Variants in BTBD9 observed in about 807,000 individuals in gnomAD.
The protein encoded by BTBD9 is BTB/POZ domain-containing protein 9.
Under a neutral mutation model 64.3 loss-of-function variants are expected in BTBD9, and 49 were observed. That is an observed-to-expected ratio of 0.76 (90% CI 0.61 to 0.97). BTBD9 has a LOEUF of 0.97. Ranked by LOEUF, BTBD9 falls within the 50% of genes least tolerant of loss-of-function variation. BTBD9 has a pLI of 0.00. For missense variants in BTBD9, 598 were observed against 762.1 expected (o/e 0.78, Z 2.53); for synonymous variants, 260 against 274.7 (o/e 0.95, Z 0.53).
chr6:38,554,264 C>T (rs919859947), intron 6 of BTBD9, among the ~76,000 whole-genome samples: 12 of 152,300 alleles, frequency 7.9e-5, no homozygotes, highest in African/African-American at 2.9e-4. Flanking sequence ...CACACAGATG[C>T]TATAGACAGC....
intron 10 of BTBD9, among the ~76,000 whole-genome samples, chr6:38,177,259 ACTC>A (rs1239305373): frequency 6.6e-6 from 1 of 151,198 alleles, no homozygotes; most frequent in Non-Finnish European, 1.5e-5. Flanking sequence ...TCTCAAGCTC[ACTC>A]CTCTGGTATT....
chr6:38,344,913 T>G (rs1324660492), intron 7 of BTBD9, 71 bp downstream of exon 7: 1 of 1,024,884 alleles, frequency 9.8e-7, no homozygotes, highest in Non-Finnish European at 1.5e-6. Flanking sequence ...TAAGATAAGT[T>G]AAGAGAGTAA....
chr6:38,208,145 GAAAT>G (rs767958207), intron 9 of BTBD9, among the ~76,000 whole-genome samples: 54 of 152,162 alleles, frequency 3.5e-4, no homozygotes, highest in Non-Finnish European at 6.9e-4. Flanking sequence ...GAAAAGGGAA[GAAAT>G]AATAAAAGCT....
intron 6 of BTBD9, among the ~76,000 whole-genome samples, chr6:38,542,642 T>C (rs1214416830): frequency 6.6e-6 from 1 of 152,180 alleles, no homozygotes; most frequent in Non-Finnish European, 1.5e-5. Flanking sequence ...ATTTATAAAT[T>C]TAAGACTTTA....
chr6:38,550,195 G>A (rs986108958), intron 6 of BTBD9, among the ~76,000 whole-genome samples: 1 of 152,030 alleles, frequency 6.6e-6, no homozygotes, highest in African/African-American at 2.4e-5. Context: ...TTCAAACTGA[G>A]GTATTCCAAA....
At chr6:38,287,209 T>C (rs1025696938) in intron 8 of BTBD9, among the ~76,000 whole-genome samples, 2 of 149,288 alleles carry the variant, frequency 1.3e-5, no homozygotes, top group African/African-American at 5.0e-5. Flanking sequence ...GCCTTCACAT[T>C]CACCCATCAC....
At chr6:38,246,478 A>G (rs541430581) in intron 9 of BTBD9, among the ~76,000 whole-genome samples, 53 of 142,196 alleles carry the variant, frequency 3.7e-4, no homozygotes, top group African/African-American at 1.2e-3. Flanking sequence ...GTGTGTGTGT[A>G]TTGTCTAAAA....
At chr6:38,335,959 T>C (rs1264181418) in intron 7 of BTBD9, among the ~76,000 whole-genome samples, 1 of 152,126 alleles carries the variant, frequency 6.6e-6, no homozygotes, top group Non-Finnish European at 1.5e-5. Context: ...GGTCTCAAAC[T>C]ACTGACCTCA....
chr6:38,328,968 A>ATGTGTGTGTGTGTG (rs70981541), intron 7 of BTBD9, among the ~76,000 whole-genome samples: 3 of 127,318 alleles, frequency 2.4e-5, no homozygotes, highest in South Asian at 2.7e-4. Flanking sequence ...GAAAGAAAAT[A>ATGTGTGTGTGTGTG]TGTGTGTGTG....
rs540291650 is a variant in BTBD9 at position 38,457,601 on chromosome 6, A to G, written c.1155-112508T>C. ...AACTGATTGGAGGAGTGAAAAATCA[A>G]GACTTCCATTTGGGAAGCTTGAGAT... On this transcript the variant is annotated intron_variant, in intron 6 of 10. Transcript: ENST00000481247. Among the ~76,000 whole-genome samples, 4 of 152,302 alleles carry G rather than the reference A, an allele frequency of 2.6e-5. No individual in the cohort carries two copies. The East Asian group carries it at 7.7e-4, about 29-fold the overall frequency.
chr6:38,512,795 T>C lies in BTBD9; in HGVS notation c.1154+64805A>G, dbSNP rs1772832077. On this transcript the variant is annotated intron_variant, in intron 6 of 10. Transcript: ENST00000481247. ...TATTACAAACCATTCTTTATATAAATACGTTTAGCTATTATATTGATAGAA... is the reference window on the plus strand; with the variant it reads ...TATTACAAACCATTCTTTATATAAACACGTTTAGCTATTATATTGATAGAA... Among the ~76,000 whole-genome samples the C allele has an allele frequency of 2.6e-5, 4 of 152,216 alleles. No individual in the cohort carries two copies. In the South Asian group the frequency reaches 8.3e-4, roughly 31 times the overall value.
intron 7 of BTBD9, among the ~76,000 whole-genome samples, chr6:38,330,010 T>G (rs535961662): frequency 2.0e-5 from 3 of 152,186 alleles, no homozygotes; most frequent in East Asian, 3.9e-4. Flanking sequence ...CAGTCTCATA[T>G]GCTGCCAAGA....
At chr6:38,188,586 G>A (rs1187833692) in intron 10 of BTBD9, among the ~76,000 whole-genome samples, 2 of 152,224 alleles carry the variant, frequency 1.3e-5, no homozygotes, top group East Asian at 3.8e-4. Flanking sequence ...AAGTCTCTGG[G>A]TTCACAAACA....
intron 9 of BTBD9, among the ~76,000 whole-genome samples, chr6:38,233,571 AC>A (rs1165206174): frequency 6.6e-6 from 1 of 152,256 alleles, no homozygotes; most frequent in Non-Finnish European, 1.5e-5. Flanking sequence ...AAGTTTCAAC[AC>A]AGCCACTGCA....
intron 10 of BTBD9, among the ~76,000 whole-genome samples, chr6:38,189,512 C>T (rs1761960416): frequency 6.6e-6 from 1 of 152,126 alleles, no homozygotes; most frequent in Non-Finnish European, 1.5e-5. Flanking sequence ...TTTTTTGAGT[C>T]AGGGTCTCAC....
At chr6:38,226,757 G>GCA (rs903175349) in intron 9 of BTBD9, among the ~76,000 whole-genome samples, 12 of 152,074 alleles carry the variant, frequency 7.9e-5, no homozygotes, top group South Asian at 2.1e-4. Context: ...ACACAAACAT[G>GCA]CACACACACA....
rs1765166580 is a variant in BTBD9, at chr6:38,365,848, A to G, written c.1155-20755T>C. Among the ~76,000 whole-genome samples the G allele has an allele frequency of 1.3e-5, 2 of 152,158 alleles. 1 individual carries two copies. The highest frequency in any genetic ancestry group is 1.3e-4 in the Admixed American group (2 of 15,272). On this transcript the variant is annotated intron_variant, in intron 6 of 10. Coordinates refer to ENST00000481247, the MANE Select transcript of BTBD9 (RefSeq NM_001099272.2). ...CATTTCTGCATGGTCCACAATAAAT[A>G]ATTTGAAAATAATTATGGAAAAATA...
At chr6:38,425,056 T>C (rs1344782158) in intron 6 of BTBD9, among the ~76,000 whole-genome samples, 3 of 151,094 alleles carry the variant, frequency 2.0e-5, no homozygotes, top group Non-Finnish European at 4.4e-5. Context: ...GTCGTGGTGA[T>C]CCACCTGCCT....
At chr6:38,203,835 C>T (rs887400794) in intron 9 of BTBD9, among the ~76,000 whole-genome samples, 3 of 152,028 alleles carry the variant, frequency 2.0e-5, no homozygotes, top group African/African-American at 7.2e-5. Flanking sequence ...TTCTAATGTT[C>T]CATAGCAGAC....
Sources: gnomAD v4.1 joint callset for allele counts (sites outside exome capture counted in the v4.1 genomes callset) on GRCh38, gnomAD v4.1.1 for gene constraint, MANE v1.5 for transcripts, NCBI Gene and HGNC (gene_info 2026-07-23, HGNC 2026-07-21) for gene names.